The following DIAPH2 variants were observed in gnomAD, a reference collection of about 807,000 sequenced individuals.
DIAPH2 encodes diaphanous related formin 2.
Under a neutral mutation model 92.7 loss-of-function variants are expected in DIAPH2, and 35 were observed. The observed-to-expected ratio is 0.38, with a 90% confidence interval of 0.29 to 0.50. DIAPH2 has a LOEUF of 0.50. Among genes scored for constraint, DIAPH2 ranks in the 20% least tolerant of loss-of-function variants. The pLI is 0.94. For missense variants in DIAPH2, 701 were observed against 819.5 expected, an observed-to-expected ratio of 0.86 and a Z score of 1.77; for synonymous variants, 301 against 280.4, an observed-to-expected ratio of 1.07 and a Z score of -0.73.
intron 19 of DIAPH2, among the ~76,000 whole-genome samples, chrX:97,096,736 C>A: frequency 8.9e-6 from 1 of 111,792 alleles, no homozygotes; most frequent in Middle Eastern, 4.6e-3. Context: ...TCACACAGTT[C>A]TCCTCTCCAC....
At chrX:96,998,745 C>A (rs2147853942) in intron 17 of DIAPH2, among the ~76,000 whole-genome samples, 1 of 111,564 alleles carries the variant, frequency 9.0e-6, no homozygotes, top group East Asian at 2.8e-4. Context: ...ATTAGAGATG[C>A]AGGCTCTGGA....
chrX:97,495,310 A>G (rs975357755), intron 26 of DIAPH2, among the ~76,000 whole-genome samples: 8 of 112,288 alleles, frequency 7.1e-5, no homozygotes, highest in African/African-American at 2.6e-4. Context: ...ATGGGAGAAC[A>G]AGAGATGGAA....
rs2069174961 is a variant in DIAPH2, at chrX:97,348,104, A to T, written c.2845-12A>T. ...AGGTACTGTTGAGCCATGTTCCTTA[A>T]CAAAAAGCTACAGCTTTACAAAGAC... On this transcript the variant is annotated splice_polypyrimidine_tract_variant and intron_variant, in intron 23 of 26. Coordinates refer to ENST00000324765, the MANE Select transcript of DIAPH2 (RefSeq NM_006729.5). The T allele has an allele frequency of 8.3e-7, 1 of 1,210,019 alleles. No homozygotes were observed.
rs1219167141 is a variant in DIAPH2 at position 96,751,652 on chromosome X, G to GTT, written c.343-6484_343-6483dup. On this transcript the variant is annotated intron_variant, in intron 3 of 26. Coordinates refer to ENST00000324765, the MANE Select transcript of DIAPH2 (RefSeq NM_006729.5). ...ATGGTCAACTAGACTTCAGTGTTTT[G>GTT]TTTTTTTTTTTTTTTTTTTGAGACG... 5.1e-4 allele frequency among the ~76,000 whole-genome samples: 31 copies of GTT among 60,290 alleles called. 2 individuals are homozygous for GTT. Among genetic ancestry groups the GTT allele is most frequent in the East Asian group, 1.9e-3 (3 of 1,593 alleles). The allele number at this position is 60,290 out of a possible 115,157, so 52.4% of individuals were successfully genotyped here. A position where few individuals can be genotyped will look rare whatever the true frequency, so the allele number is the denominator to read the frequency against.
chrX:97,511,458 G>A lies in DIAPH2; in HGVS notation c.3241+81713G>A, dbSNP rs368293002. ...ATACAATCATGTCATCTGCAAACAG[G>A]GACAACTTGACTTCCTCTTTTCCTA... On this transcript the variant is annotated intron_variant, in intron 26 of 26. Coordinates refer to ENST00000324765, the MANE Select transcript of DIAPH2 (RefSeq NM_006729.5). Among the ~76,000 whole-genome samples the A allele has an allele frequency of 2.4e-3, 251 of 106,321 alleles. 6 individuals are homozygous for A. The East Asian group carries it at 0.066, about 28-fold the overall frequency. The allele number at this position is 106,321 out of a possible 115,157, so 92.3% of individuals were successfully genotyped here.
intron 26 of DIAPH2, among the ~76,000 whole-genome samples, chrX:97,587,967 G>A (rs1200283272): frequency 9.0e-6 from 1 of 111,596 alleles, no homozygotes; most frequent in Non-Finnish European, 1.9e-5. Context: ...CATATGTATG[G>A]CCATACACTG....
At chrX:97,254,951 G>T (rs1484163927) in intron 23 of DIAPH2, among the ~76,000 whole-genome samples, 1 of 110,702 alleles carries the variant, frequency 9.0e-6, no homozygotes, top group Non-Finnish European at 1.9e-5. Flanking sequence ...TGACCCACCC[G>T]CCTCAGCCTC....
chrX:97,397,916 T>C lies in DIAPH2; in HGVS notation c.3145+13872T>C, dbSNP rs771911152. 1.6e-4 allele frequency among the ~76,000 whole-genome samples: 18 copies of C among 112,647 alleles called. No individual in the cohort carries two copies. In the South Asian group the frequency reaches 5.2e-3, roughly 32 times the overall value. ...CTTTCTTTTGCCAATTGAACCTTTT[T>C]TGAAATGCATCAGTAGGGAGAGCTT... On this transcript the variant is annotated intron_variant, in intron 25 of 26. Coordinates refer to ENST00000324765, the MANE Select transcript of DIAPH2 (RefSeq NM_006729.5).
At chrX:97,076,045 T>G (rs959347783) in intron 19 of DIAPH2, among the ~76,000 whole-genome samples, 1 of 112,400 alleles carries the variant, frequency 8.9e-6, no homozygotes, top group African/African-American at 3.2e-5. Context: ...TAAAGTGCTT[T>G]GTATGATAAA....
At chrX:97,043,528 AGT>A (rs1384527367) in intron 17 of DIAPH2, among the ~76,000 whole-genome samples, 1 of 110,655 alleles carries the variant, frequency 9.0e-6, no homozygotes, top group African/African-American at 3.3e-5. Context: ...ATATAAAAAG[AGT>A]AATGATTTGC....
At chrX:97,526,560 C>T (rs949202368) in intron 26 of DIAPH2, among the ~76,000 whole-genome samples, 1 of 110,590 alleles carries the variant, frequency 9.0e-6, no homozygotes, top group Non-Finnish European at 1.9e-5. Context: ...TCCATTCCAG[C>T]ATAGTGCTAA....
rs1602694619 is a variant in DIAPH2, at chrX:97,601,565, T to C, written c.*2248T>C. ...CCATTTGCAGTTTTGTTTTAGATGA[T>C]TGGAAAGTATATCACCAAAAAAAGT... is the stretch of plus-strand genomic sequence containing the variant. On this transcript the variant is annotated 3_prime_UTR_variant, in exon 27 of 27. Coordinates refer to ENST00000324765, the MANE Select transcript of DIAPH2 (RefSeq NM_006729.5). 1 of 111,946 alleles carries C rather than the reference T, an allele frequency of 8.9e-6. No homozygotes were observed. The allele number at this position is 111,946 out of a possible 1,213,427, so 9.2% of individuals were successfully genotyped here.
intron 9 of DIAPH2, among the ~76,000 whole-genome samples, chrX:96,920,887 T>C (rs2065538029): frequency 8.9e-6 from 1 of 112,482 alleles, no homozygotes; most frequent in African/African-American, 3.2e-5. Context: ...TAATTTGTTA[T>C]ATACAAAAAC....
At chrX:97,039,377 T>G (rs1279842914) in intron 17 of DIAPH2, among the ~76,000 whole-genome samples, 1 of 111,675 alleles carries the variant, frequency 9.0e-6, no homozygotes, top group East Asian at 2.8e-4. Flanking sequence ...AATTTTGTTT[T>G]AAAGTATTTT....
intron 23 of DIAPH2, among the ~76,000 whole-genome samples, chrX:97,278,273 A>G (rs1336173997): frequency 8.9e-6 from 1 of 112,127 alleles, no homozygotes; most frequent in African/African-American, 3.2e-5. Flanking sequence ...CAGTTTCCCT[A>G]TTATTAATAT....
intron 26 of DIAPH2, among the ~76,000 whole-genome samples, chrX:97,461,734 A>G (rs956335282): frequency 2.7e-5 from 3 of 111,253 alleles, no homozygotes; most frequent in African/African-American, 9.8e-5. Flanking sequence ...TCCTACACCC[A>G]CCTAATAAGC....
intron 17 of DIAPH2, among the ~76,000 whole-genome samples, chrX:96,974,018 T>A (rs1383874179): frequency 8.9e-6 from 1 of 112,218 alleles, no homozygotes; most frequent in Non-Finnish European, 1.9e-5. Flanking sequence ...TTTTGGTATC[T>A]GCAAGGGCTC....
At chrX:97,500,326 T>C (rs1020389706) in intron 26 of DIAPH2, among the ~76,000 whole-genome samples, 1 of 111,566 alleles carries the variant, frequency 9.0e-6, no homozygotes, top group Non-Finnish European at 1.9e-5. Flanking sequence ...GACTGTGGTC[T>C]CAGCTTAGAC....
chrX:97,462,156 T>A (rs1312485601), intron 26 of DIAPH2, among the ~76,000 whole-genome samples: 1 of 111,980 alleles, frequency 8.9e-6, no homozygotes, highest in South Asian at 3.7e-4. Flanking sequence ...GCAAAATGCC[T>A]ATAGCTCACA....
Sources: allele counts gnomAD v4.1 joint callset (sites outside exome capture counted in the v4.1 genomes callset), GRCh38; gene constraint gnomAD v4.1.1; transcripts MANE v1.5; gene names NCBI Gene and HGNC (gene_info 2026-07-23, HGNC 2026-07-21).